Variants in PTPRD observed in about 807,000 individuals in gnomAD.
The protein encoded by PTPRD is receptor-type tyrosine-protein phosphatase delta.
In PTPRD, 34 loss-of-function variants were observed where a neutral mutation model predicts 214.5. That is an observed-to-expected ratio of 0.16 (90% CI 0.12 to 0.21). PTPRD has a LOEUF of 0.21. Ranked by LOEUF, PTPRD falls within the 10% of genes least tolerant of loss-of-function variation. The pLI is 1.00. For synonymous variants in PTPRD, 1,128 were observed against 845.7 expected, an observed-to-expected ratio of 1.33 and a Z score of -5.79; for missense variants, 2,545 against 2,398.7, an observed-to-expected ratio of 1.06 and a Z score of -1.27.
intron 5 of PTPRD, among the ~76,000 whole-genome samples, chr9:9,824,508 A>G (rs1275871906): frequency 1.3e-5 from 2 of 151,960 alleles, no homozygotes; most frequent in Non-Finnish European, 2.9e-5. Context: ...AAAATATATA[A>G]AGTTTTACTG....
At chr9:8,760,622 G>T (rs192302484) in intron 11 of PTPRD, among the ~76,000 whole-genome samples, 1 of 151,946 alleles carries the variant, frequency 6.6e-6, no homozygotes, top group East Asian at 1.9e-4. Flanking sequence ...GTGTGTGTGT[G>T]TGTGTGGCGG....
Position 8,690,791 on chromosome 9 carries a change from C to G in PTPRD, c.64+42989G>C, listed in dbSNP as rs532555025. Among the ~76,000 whole-genome samples the G allele has an allele frequency of 4.5e-4, 68 of 152,250 alleles. No individual in the cohort carries two copies. In the South Asian group the frequency reaches 7.0e-3, roughly 16 times the overall value. On this transcript the variant is annotated intron_variant, in intron 12 of 45. Coordinates refer to ENST00000381196, the MANE Select transcript of PTPRD (RefSeq NM_002839.4). Reference sequence around the variant, plus strand: ...AAAACTAAGAAAACTCTTTTAGCAACTTAAAAATATACAGGACATTACTTA... The same window carrying G: ...AAAACTAAGAAAACTCTTTTAGCAAGTTAAAAATATACAGGACATTACTTA...
chr9:9,402,708 G>A, intron 8 of PTPRD, among the ~76,000 whole-genome samples: 1 of 147,308 alleles, frequency 6.8e-6, no homozygotes, highest in South Asian at 2.2e-4. Flanking sequence ...AATAAAAGAT[G>A]TCTGAGCAAG....
chr9:10,053,895 A>T (rs567341758), intron 3 of PTPRD, among the ~76,000 whole-genome samples: 319 of 151,960 alleles, frequency 2.1e-3, no homozygotes, highest in Non-Finnish European at 3.2e-3. Flanking sequence ...AGTAGCGGGG[A>T]TTACAGGTGT....
chr9:10,379,401 G>C (rs1334205414), intron 2 of PTPRD, among the ~76,000 whole-genome samples: 1 of 151,728 alleles, frequency 6.6e-6, no homozygotes, highest in East Asian at 1.9e-4. Context: ...CCTGTATTAT[G>C]TTGAGTAACA....
rs1050059652 is a variant in PTPRD, at chr9:10,410,313, A to T, written c.-599-69296T>A. 1.4e-5 allele frequency among the ~76,000 whole-genome samples: 2 copies of T among 146,622 alleles called. 1 individual carries two copies. Among genetic ancestry groups the T allele is most frequent in the Non-Finnish European group, 3.0e-5 (2 of 66,844 alleles). ...ATATAATATATATAATATATATATA[A>T]AACATAAATTTATGATATATTTTAC... is the stretch of plus-strand genomic sequence containing the variant. On this transcript the variant is annotated intron_variant, in intron 2 of 45. Coordinates refer to ENST00000381196, the MANE Select transcript of PTPRD (RefSeq NM_002839.4).
chr9:8,752,656 A>C (rs1197835801), intron 11 of PTPRD, among the ~76,000 whole-genome samples: 2 of 152,190 alleles, frequency 1.3e-5, no homozygotes, highest in African/African-American at 4.8e-5. Context: ...AAACGAGCCC[A>C]GACTAGCCTG....
chr9:9,832,338 T>A (rs1047650922), intron 5 of PTPRD, among the ~76,000 whole-genome samples: 3 of 151,976 alleles, frequency 2.0e-5, no homozygotes, highest in African/African-American at 7.2e-5. Context: ...TCTATAGGGA[T>A]GGATATCTGA....
chr9:8,520,137 G>C (rs1439080402), intron 20 of PTPRD, among the ~76,000 whole-genome samples: 1 of 152,118 alleles, frequency 6.6e-6, no homozygotes, highest in Non-Finnish European at 1.5e-5. Context: ...GCTAATTAAA[G>C]CTGTGCTCAC....
intron 36 of PTPRD, among the ~76,000 whole-genome samples, chr9:8,398,353 G>C (rs1012865423): frequency 2.6e-4 from 39 of 152,134 alleles, no homozygotes; most frequent in Admixed American, 1.7e-3. Context: ...GAAGCAAGCA[G>C]AGCTTCGGAT....
chr9:10,155,494 A>C (rs2099087286), intron 3 of PTPRD, among the ~76,000 whole-genome samples: 1 of 152,138 alleles, frequency 6.6e-6, no homozygotes, highest in African/African-American at 2.4e-5. Flanking sequence ...GTTGAATAGA[A>C]GAGATGAGAG....
chr9:8,563,728 C>A (rs1476363631), intron 14 of PTPRD, among the ~76,000 whole-genome samples: 1 of 152,186 alleles, frequency 6.6e-6, no homozygotes, highest in African/African-American at 2.4e-5. Context: ...GTGGCACAAT[C>A]TCAGCTCATT....
At chr9:9,022,161 T>TA (rs56120804) in intron 10 of PTPRD, among the ~76,000 whole-genome samples, 8,507 of 143,288 alleles carry the variant, frequency 0.059, 268 homozygotes, top group South Asian at 0.086. Flanking sequence ...ATAAAAGATG[T>TA]AAAAAAAAAT....
At chr9:10,597,070 C>CAT (rs35587420) in intron 2 of PTPRD, among the ~76,000 whole-genome samples, 26,220 of 149,384 alleles carry the variant, frequency 0.18, 2,505 homozygotes, top group South Asian at 0.26. Context: ...ATTTATTTTC[C>CAT]ATATATATAT....
chr9:9,418,357 C>G (rs1366493910), intron 8 of PTPRD, among the ~76,000 whole-genome samples: 1 of 151,892 alleles, frequency 6.6e-6, no homozygotes, highest in Non-Finnish European at 1.5e-5. Context: ...GAGATTAGTA[C>G]TAGAGAAAAC....
intron 2 of PTPRD, among the ~76,000 whole-genome samples, chr9:10,379,982 T>G (rs1399369574): frequency 6.6e-6 from 1 of 152,066 alleles, no homozygotes; most frequent in Non-Finnish European, 1.5e-5. Context: ...GATGAGGTCT[T>G]ACTCTGTTGC....
intron 11 of PTPRD, among the ~76,000 whole-genome samples, chr9:8,795,177 T>A (rs999203739): frequency 4.0e-5 from 6 of 151,776 alleles, no homozygotes; most frequent in Non-Finnish European, 8.8e-5. Flanking sequence ...AAAAAAAAAT[T>A]TTTTTTGAGA....
At chr9:10,007,328 T>C (rs1397851690) in intron 4 of PTPRD, among the ~76,000 whole-genome samples, 1 of 152,018 alleles carries the variant, frequency 6.6e-6, no homozygotes, top group Non-Finnish European at 1.5e-5. Context: ...TCATTAAAAA[T>C]GGCAATTTTA....
At chr9:8,566,317 G>A (rs1426238698) in intron 14 of PTPRD, among the ~76,000 whole-genome samples, 9 of 152,140 alleles carry the variant, frequency 5.9e-5, no homozygotes, top group Middle Eastern at 3.4e-3. Context: ...AAATCTGTAC[G>A]AATAGCTGAG....
Sources: allele counts gnomAD v4.1 joint callset (sites outside exome capture counted in the v4.1 genomes callset), GRCh38; gene constraint gnomAD v4.1.1; transcripts MANE v1.5; gene names NCBI Gene and HGNC (gene_info 2026-07-23, HGNC 2026-07-21).